FUNDC2: variants seen among roughly 807,000 people sequenced by gnomAD.
FUNDC2 encodes FUN14 domain containing 2.
A neutral mutation model predicts 15.6 loss-of-function variants in FUNDC2; 4 were observed. The ratio of observed to expected loss-of-function variants is 0.26; its 90% CI spans 0.13 to 0.59. The LOEUF (loss-of-function observed/expected upper bound fraction) is 0.59, where lower values mean the gene tolerates loss of function less well. Ranked by LOEUF, FUNDC2 falls within the 20% of genes least tolerant of loss-of-function variation. FUNDC2 has a pLI of 0.90. For synonymous variants in FUNDC2, 44 were observed against 56.9 expected (o/e 0.77, Z 1.02); for missense variants, 98 against 149.7 (o/e 0.65, Z 1.80).
chrX:155,054,183 T>C (rs915583484), intron 4 of FUNDC2: 91 of 751,393 alleles, frequency 1.2e-4, no homozygotes, highest in Non-Finnish European at 1.4e-4. Flanking sequence ...TATTGGAGGG[T>C]AGATGCCAAA....
Position 155,054,624 on chromosome X carries a change from A to G in FUNDC2, c.522A>G (p.Leu174=). The change falls in exon 5 of 5, where the codon CTA becomes CTG. Residue 174 remains leucine, a synonymous_variant. Transcript: ENST00000369498. Reference sequence around the variant, plus strand: ...TGTCATTTGTGAAGAAGAATGTTCTAGTAACTGGGGGATTTTTCGGAGGCT... The same window carrying G: ...TGTCATTTGTGAAGAAGAATGTTCTGGTAACTGGGGGATTTTTCGGAGGCT... The part of the protein sequence containing the change: ...EVVSFVKKNV[L]VTGGFFGGFL... The G allele has an allele frequency of 8.3e-7, 1 of 1,211,383 alleles. No homozygotes were observed. The highest frequency in any genetic ancestry group is 1.1e-6 in the Non-Finnish European group (1 of 895,244).
At chrX:155,052,758 T>C (rs1170972055) in intron 4 of FUNDC2, among the ~76,000 whole-genome samples, 3 of 112,476 alleles carry the variant, frequency 2.7e-5, no homozygotes, top group Non-Finnish European at 5.6e-5. Context: ...AGTTTCTCTT[T>C]CCTTTCTTCC....
rs139115737 is a variant in FUNDC2 at position 155,056,129 on chromosome X, C to G, written c.*1457C>G. On this transcript the variant is annotated 3_prime_UTR_variant, in exon 5 of 5. Coordinates refer to ENST00000369498, the MANE Select transcript of FUNDC2 (RefSeq NM_023934.4). ...TTTGCTGCATATTTTGCTATAAGAA[C>G]TTATTTTTTTTCACTTTTTATTATG... 3.3e-3 allele frequency: 371 copies of G among 111,507 alleles called. 4 individuals carry two copies. Among genetic ancestry groups the G allele is most frequent in the African/African-American group, 0.011 (341 of 30,668 alleles). The allele number at this position is 111,507 out of a possible 1,213,427, so 9.2% of individuals were successfully genotyped here. A position where few individuals can be genotyped will look rare whatever the true frequency, so the allele number is the denominator to read the frequency against.
chrX:155,031,291 A>T (rs1281159304), intron 1 of FUNDC2, among the ~76,000 whole-genome samples: 2 of 112,149 alleles, frequency 1.8e-5, no homozygotes, highest in African/African-American at 6.5e-5. Context: ...TTACTTCAGC[A>T]TCTTGATCAT....
At chrX:155,051,909 G>T (rs782423970) in intron 4 of FUNDC2, 108 bp downstream of exon 4, 7 of 787,395 alleles carry the variant, frequency 8.9e-6, no homozygotes, top group South Asian at 3.2e-5. Context: ...GCATTACAAA[G>T]AACTTAGAGT....
In FUNDC2 at chrX:155,056,774, A is replaced by G. The variant is rs2073900769; in HGVS notation, c.*2102A>G. ...GCCCCTTTGGGTTGCATGTGGGGAG[A>G]CTGGCCACCCAATGCCTCTCCAGTG... On this transcript the variant is annotated 3_prime_UTR_variant, in exon 5 of 5. Transcript: ENST00000369498. 1 of 111,246 alleles carries G rather than the reference A, an allele frequency of 9.0e-6. No homozygotes were observed. Among genetic ancestry groups the G allele is most frequent in the African/African-American group, 3.3e-5 (1 of 30,521 alleles). 9.2% of individuals were successfully genotyped at this position (111,246 alleles called of 1,213,427 possible). A position where few individuals can be genotyped will look rare whatever the true frequency, so the allele number is the denominator to read the frequency against.
chrX:155,054,941 C>G lies in FUNDC2; in HGVS notation c.*269C>G. On this transcript the variant is annotated 3_prime_UTR_variant, in exon 5 of 5. Transcript: ENST00000369498. Reference sequence around the variant, plus strand: ...GGCCAACAAGAAGGTTCCTTTACCCCCATGCAAGACACTTATGAGAACACA... The same window carrying G: ...GGCCAACAAGAAGGTTCCTTTACCCGCATGCAAGACACTTATGAGAACACA... 1 of 377,526 alleles carries G rather than the reference C, an allele frequency of 2.6e-6. No homozygotes were observed. Among genetic ancestry groups the G allele is most frequent in the East Asian group, 3.9e-5 (1 of 25,359 alleles). The allele number at this position is 377,526 out of a possible 1,213,427, so 31.1% of individuals were successfully genotyped here. A position where few individuals can be genotyped will look rare whatever the true frequency, so the allele number is the denominator to read the frequency against.
At chrX:155,028,076 G>GACTGCTCTTATAGACTTTTATAAGAGCAT in intron 1 of FUNDC2, among the ~76,000 whole-genome samples, 1 of 112,449 alleles carries the variant, frequency 8.9e-6, no homozygotes, top group African/African-American at 3.2e-5. Context: ...TATAAGAGCA[G>GACTGCTCTTATAGACTTTTATAAGAGCAT]ACTGCTCTTA....
At chrX:155,047,958 C>T (rs2073867977) in intron 3 of FUNDC2, among the ~76,000 whole-genome samples, 1 of 111,324 alleles carries the variant, frequency 9.0e-6, no homozygotes, top group South Asian at 3.8e-4. Context: ...GGCCCCTCCT[C>T]ACACCTCTCT....
chrX:155,046,429 G>C (rs1257414732), intron 2 of FUNDC2, 80 bp from the exon 3 acceptor site: 40 of 882,898 alleles, frequency 4.5e-5, no homozygotes, highest in Non-Finnish European at 6.5e-5. Context: ...AGCTAAGTAA[G>C]ATATGAACAT....
At chrX:155,042,793 C>A (rs2073851864) in intron 2 of FUNDC2, among the ~76,000 whole-genome samples, 1 of 112,001 alleles carries the variant, frequency 8.9e-6, no homozygotes, top group African/African-American at 3.2e-5. Context: ...AGTTCAGTAT[C>A]ATAACCATTT....
In FUNDC2 at chrX:155,055,136, C is replaced by T; in HGVS notation, c.*464C>T. On this transcript the variant is annotated 3_prime_UTR_variant, in exon 5 of 5. Coordinates refer to ENST00000369498, the MANE Select transcript of FUNDC2 (RefSeq NM_023934.4). ...ATTTTGGTATCTTGGTGTCTACTTTCTTTTTTAGTTGGTTTTACATTACAG... is the reference window on the plus strand; with the variant it reads ...ATTTTGGTATCTTGGTGTCTACTTTTTTTTTTAGTTGGTTTTACATTACAG... 6.7e-6 allele frequency: 2 copies of T among 298,182 alleles called. No homozygotes were observed. The highest frequency in any genetic ancestry group is 1.2e-4 in the Admixed American group (2 of 16,790). 24.6% of individuals were successfully genotyped at this position (298,182 alleles called of 1,213,427 possible). A position where few individuals can be genotyped will look rare whatever the true frequency, so the allele number is the denominator to read the frequency against.
At chrX:155,054,228 C>G in intron 4 of FUNDC2, 1 of 752,733 alleles carries the variant, frequency 1.3e-6, no homozygotes. Context: ...AACAGAATTG[C>G]CTCTGTAACC....
rs1557291204 is a variant in FUNDC2 at position 155,057,633 on chromosome X, A to T, written c.*2961A>T. The T allele has an allele frequency of 1.8e-5, 2 of 111,983 alleles. No homozygotes were observed. Among genetic ancestry groups the T allele is most frequent in the Non-Finnish European group, 3.8e-5 (2 of 53,125 alleles). The allele number at this position is 111,983 out of a possible 1,213,427, so 9.2% of individuals were successfully genotyped here. The stretch of plus-strand genomic sequence containing the variant: ...GAAGGCTTCCCTTCCCTTGTCCTGC[A>T]GCGTGCTGGACAGTGTCCCGGCTCA... On this transcript the variant is annotated 3_prime_UTR_variant, in exon 5 of 5. Coordinates refer to ENST00000369498, the MANE Select transcript of FUNDC2 (RefSeq NM_023934.4).
rs2073919920 is a variant in FUNDC2, at chrX:155,059,556, A to C, written c.*4884A>C. 9.0e-6 allele frequency: 1 copy of C among 111,293 alleles called. No homozygotes were observed. The highest frequency in any genetic ancestry group is 1.9e-5 in the Non-Finnish European group (1 of 53,028). The allele number at this position is 111,293 out of a possible 1,213,427, so 9.2% of individuals were successfully genotyped here. A position where few individuals can be genotyped will look rare whatever the true frequency, so the allele number is the denominator to read the frequency against. ...TGGTCCCTAACAATAAGAAGCACTC[A>C]GTAAATGTTAAGCCTTCTATGATGG... is the stretch of plus-strand genomic sequence containing the variant. On this transcript the variant is annotated 3_prime_UTR_variant, in exon 5 of 5. Transcript: ENST00000369498.
Position 155,055,647 on chromosome X carries a change from C to A in FUNDC2, c.*975C>A. 6.0e-6 allele frequency: 1 copy of A among 167,216 alleles called. No homozygotes were observed. 13.8% of individuals were successfully genotyped at this position (167,216 alleles called of 1,213,427 possible). A position where few individuals can be genotyped will look rare whatever the true frequency, so the allele number is the denominator to read the frequency against. ...TTACACACACACACACACACGGGCA[C>A]ACACGCACACACAGAATCTTACCAC... On this transcript the variant is annotated 3_prime_UTR_variant, in exon 5 of 5. Coordinates refer to ENST00000369498, the MANE Select transcript of FUNDC2 (RefSeq NM_023934.4).
At chrX:155,043,193 G>C (rs897454632) in intron 2 of FUNDC2, among the ~76,000 whole-genome samples, 2 of 111,997 alleles carry the variant, frequency 1.8e-5, no homozygotes, top group Admixed American at 1.9e-4. Context: ...TCTTGCCTTG[G>C]CCTCCTAAAG....
chrX:155,057,253 G>C lies in FUNDC2; in HGVS notation c.*2581G>C, dbSNP rs1260586389. On this transcript the variant is annotated 3_prime_UTR_variant, in exon 5 of 5. Transcript: ENST00000369498. ...CAGCAGTTTTGTTTCAGGTGGTGAA[G>C]TGGGAGTTAAGGTTTCCCCCAAAAG... 3 of 111,825 alleles carry C rather than the reference G, an allele frequency of 2.7e-5. No homozygotes were observed. The highest frequency in any genetic ancestry group is 1.9e-4 in the Admixed American group (2 of 10,609). The allele number at this position is 111,825 out of a possible 1,213,427, so 9.2% of individuals were successfully genotyped here.
At chrX:155,043,924 C>G (rs781929871) in intron 2 of FUNDC2, among the ~76,000 whole-genome samples, 1 of 112,119 alleles carries the variant, frequency 8.9e-6, no homozygotes, top group East Asian at 2.8e-4. Context: ...AAGGGGAGAA[C>G]AGTAGACAAT....
Sources: allele counts gnomAD v4.1 joint callset (sites outside exome capture counted in the v4.1 genomes callset), GRCh38; gene constraint gnomAD v4.1.1; transcripts MANE v1.5; gene names NCBI Gene and HGNC (gene_info 2026-07-23, HGNC 2026-07-21).